ARHGAP31: variants seen among roughly 807,000 people sequenced by gnomAD.
The protein encoded by ARHGAP31 is rho GTPase-activating protein 31.
Under a neutral mutation model 113.9 loss-of-function variants are expected in ARHGAP31, and 34 were observed. That is an observed-to-expected ratio of 0.30 (90% CI 0.23 to 0.40). The LOEUF is 0.40. Ranked by LOEUF, ARHGAP31 falls within the 10% of genes least tolerant of loss-of-function variation. ARHGAP31 has a pLI of 1.00. For missense variants in ARHGAP31, 1,548 were observed against 1,767.1 expected (o/e 0.88, Z 2.22); for synonymous variants, 650 against 684.8 (o/e 0.95, Z 0.79).
chr3:119,330,076 T>G, intron 1 of ARHGAP31: 1 of 912,224 alleles, frequency 1.1e-6, no homozygotes, highest in Non-Finnish European at 1.3e-6. Context: ...ATCGTCTGAT[T>G]GTTTGAACTG....
At position 119,393,552 on chromosome 3, in the gene ARHGAP31, A is replaced by G. The variant is rs1367518755; in HGVS notation, c.967A>G (p.Arg323Gly). 1 of 1,614,164 alleles carries G rather than the reference A, an allele frequency of 6.2e-7. No individual in the cohort carries two copies. Among genetic ancestry groups the G allele is most frequent in the Non-Finnish European group, 8.5e-7 (1 of 1,179,986 alleles). ...ATCAGACTCCAAATCAAAACTGAGT[A>G]GAAATGGGAGTGTATTTGTGAGAGG... ...SGSDSKSKLSRNGSVFVRGQR... is the reference protein window; with the variant it reads ...SGSDSKSKLSGNGSVFVRGQR... The change falls in exon 8 of 12, where the codon AGA becomes GGA. Residue 323 changes from arginine (R) to glycine (G), a missense_variant. Coordinates refer to ENST00000264245, the MANE Select transcript of ARHGAP31 (RefSeq NM_020754.4).
intron 10 of ARHGAP31, among the ~76,000 whole-genome samples, chr3:119,407,887 G>C (rs1426536055): frequency 1.3e-5 from 2 of 152,168 alleles, no homozygotes; most frequent in African/African-American, 2.4e-5. Context: ...TCCATGGATT[G>C]AACCAATCAC....
At position 119,380,880 on chromosome 3, in the gene ARHGAP31, G is replaced by T. The variant is rs1429980777; in HGVS notation, c.349-24G>T. The T allele has an allele frequency of 2.5e-6, 4 of 1,610,248 alleles. No individual in the cohort carries two copies. In the African/African-American group the frequency reaches 5.3e-5, roughly 22 times the overall value. The stretch of plus-strand genomic sequence containing the variant: ...GTCCCTGCTCTCAAGCACTCACCAG[G>T]CTGCCTTGTGTTCTTCTCCACAGGA... On this transcript the variant is annotated intron_variant, in intron 3 of 11. Coordinates refer to ENST00000264245, the MANE Select transcript of ARHGAP31 (RefSeq NM_020754.4).
At chr3:119,365,592 AAACCCT>A (rs2080246820) in intron 2 of ARHGAP31, among the ~76,000 whole-genome samples, 174 bp downstream of exon 2, 1 of 152,248 alleles carries the variant, frequency 6.6e-6, no homozygotes, top group South Asian at 2.1e-4. Flanking sequence ...TCTAATCAGG[AAACCCT>A]CCAGCCTGAT....
rs535177996 is a variant in ARHGAP31 at position 119,386,518 on chromosome 3, CA to C, written c.682+3293del. Among the ~76,000 whole-genome samples the C allele has an allele frequency of 8.9e-4, 135 of 152,338 alleles. 3 individuals are homozygous for C. The highest frequency in any genetic ancestry group is 3.1e-3 in the African/African-American group (128 of 41,578). ...TGACCTAATCACCTCCTAAAGACCT[CA>C]CCTCTTAATTCTATTGCTTTTGTAG... On this transcript the variant is annotated intron_variant, in intron 6 of 11. Coordinates refer to ENST00000264245, the MANE Select transcript of ARHGAP31 (RefSeq NM_020754.4).
chr3:119,315,215 A>T (rs1250147017), intron 1 of ARHGAP31, among the ~76,000 whole-genome samples: 1 of 152,238 alleles, frequency 6.6e-6, no homozygotes, highest in Non-Finnish European at 1.5e-5. Context: ...GAACATGTAT[A>T]ATAATGTTTA....
chr3:119,351,879 A>G (rs555626352), intron 1 of ARHGAP31, among the ~76,000 whole-genome samples: 2 of 152,318 alleles, frequency 1.3e-5, no homozygotes, highest in Admixed American at 1.3e-4. Context: ...CCAGTAAATA[A>G]AACTTTGATC....
At chr3:119,332,625 TCTCTCTCTCTCACACA>T (rs2079903514) in intron 1 of ARHGAP31, among the ~76,000 whole-genome samples, 1 of 119,758 alleles carries the variant, frequency 8.4e-6, no homozygotes, top group East Asian at 2.1e-4. Flanking sequence ...TCTCTCTCTC[TCTCTCTCTCTCACACA>T]CACACACACA....
At chr3:119,403,324 A>G (rs1170188077) in intron 10 of ARHGAP31, among the ~76,000 whole-genome samples, 5 of 152,172 alleles carry the variant, frequency 3.3e-5, no homozygotes, top group Non-Finnish European at 4.4e-5. Flanking sequence ...TTAAAGAGGA[A>G]TGGTTTATTT....
intron 11 of ARHGAP31, 147 bp from the exon 12 acceptor site, chr3:119,413,705 CAAAT>C (rs199808837): frequency 0.017 from 18,071 of 1,051,326 alleles, 216 homozygotes; most frequent in Non-Finnish European, 0.023. Context: ...GGTGAGCACT[CAAAT>C]AGCCACAGGT....
chr3:119,399,207 G>T lies in ARHGAP31; in HGVS notation c.1015G>T (p.Ala339Ser), dbSNP rs558573589. ...VRGQRLSVEKATIRPAKSMDS... is the reference protein window; with the variant it reads ...VRGQRLSVEKSTIRPAKSMDS... ...TTTTCTTTTGTCTTTAGTGGAAAAG[G>T]CTACTATCCGACCAGCTAAAAGCAT... The change falls in exon 9 of 12, where the codon GCT becomes TCT. Residue 339 changes from alanine (A) to serine (S), a missense_variant. Transcript: ENST00000264245. 7 of 1,613,474 alleles carry T rather than the reference G, an allele frequency of 4.3e-6. No homozygotes were observed. In the South Asian group the frequency reaches 7.7e-5, roughly 18 times the overall value.
intron 1 of ARHGAP31, among the ~76,000 whole-genome samples, chr3:119,311,647 G>A (rs1444722599): frequency 1.3e-5 from 2 of 152,190 alleles, no homozygotes; most frequent in Non-Finnish European, 2.9e-5. Flanking sequence ...ATAGAGTGGC[G>A]ATTATGGGAG....
intron 2 of ARHGAP31, among the ~76,000 whole-genome samples, chr3:119,365,628 G>A (rs774789736): frequency 3.0e-4 from 45 of 152,172 alleles, no homozygotes; most frequent in Non-Finnish European, 5.4e-4. Flanking sequence ...TCCAACAAAA[G>A]CTCCTAAGGC....
At chr3:119,325,700 G>A (rs2079835409) in intron 1 of ARHGAP31, among the ~76,000 whole-genome samples, 1 of 152,226 alleles carries the variant, frequency 6.6e-6, no homozygotes, top group African/African-American at 2.4e-5. Context: ...CCTGAAGGCA[G>A]GCTGTTTGAC....
chr3:119,298,941 A>G (rs2107591310), intron 1 of ARHGAP31: 2 of 228,396 alleles, frequency 8.8e-6, no homozygotes, highest in South Asian at 1.5e-4. Context: ...TGAAGCCTGC[A>G]AGGACCAAAC....
intron 1 of ARHGAP31, among the ~76,000 whole-genome samples, chr3:119,334,300 C>T (rs577923741): frequency 8.5e-5 from 13 of 152,326 alleles, no homozygotes; most frequent in African/African-American, 2.6e-4. Flanking sequence ...CCTGTCGGAC[C>T]AGACACTTGC....
intron 1 of ARHGAP31, among the ~76,000 whole-genome samples, chr3:119,346,065 G>A (rs571548917): frequency 6.6e-6 from 1 of 152,290 alleles, no homozygotes; most frequent in Non-Finnish European, 1.5e-5. Context: ...TCTTCTGGAT[G>A]AGCTGACCCC....
At chr3:119,355,972 A>G (rs2080153813) in intron 1 of ARHGAP31, among the ~76,000 whole-genome samples, 1 of 152,244 alleles carries the variant, frequency 6.6e-6, no homozygotes, top group African/African-American at 2.4e-5. Flanking sequence ...TGAATAAGAC[A>G]CGGGACTGTC....
rs896637814 is a variant in ARHGAP31, at chr3:119,418,061, C to T, written c.*1797C>T. On this transcript the variant is annotated 3_prime_UTR_variant, in exon 12 of 12. Transcript: ENST00000264245. ...CTCTCTATCTCTCTCCTCCCTCTCC[C>T]TCCCTCCCTCCCCGCCAATAAGCCT... The T allele has an allele frequency of 6.6e-6, 1 of 151,990 alleles. No individual in the cohort carries two copies. The highest frequency in any genetic ancestry group is 1.5e-5 in the Non-Finnish European group (1 of 68,004). The allele number at this position is 151,990 out of a possible 1,614,324, so 9.4% of individuals were successfully genotyped here.
Sources: allele counts gnomAD v4.1 joint callset (sites outside exome capture counted in the v4.1 genomes callset), GRCh38; gene constraint gnomAD v4.1.1; transcripts MANE v1.5; gene names NCBI Gene and HGNC (gene_info 2026-07-23, HGNC 2026-07-21).